The following ST6GALNAC3 variants were observed in gnomAD, a reference collection of about 807,000 sequenced individuals.
ST6GALNAC3 encodes the protein alpha-N-acetylgalactosaminide alpha-2,6-sialyltransferase 3.
A neutral mutation model predicts 32.7 loss-of-function variants in ST6GALNAC3; 25 were observed. That is an observed-to-expected ratio of 0.76 (90% CI 0.56 to 1.07). The LOEUF (loss-of-function observed/expected upper bound fraction) is 1.07. Ranked by LOEUF, ST6GALNAC3 falls within the 50% of genes least tolerant of loss-of-function variation. The probability of loss-of-function intolerance (pLI) is 0.00; values close to 1 mark genes in which losing one functional copy is unlikely to be tolerated. For missense variants in ST6GALNAC3, 355 were observed against 382.4 expected, an observed-to-expected ratio of 0.93 and a Z score of 0.60; for synonymous variants, 129 against 133.1, an observed-to-expected ratio of 0.97 and a Z score of 0.21.
At chr1:76,490,861 T>C (rs1660454687) in intron 3 of ST6GALNAC3, among the ~76,000 whole-genome samples, 1 of 124,382 alleles carries the variant, frequency 8.0e-6, no homozygotes, top group Admixed American at 7.3e-5. Context: ...TTTTTCTTTT[T>C]TTTTGTTTTT....
At chr1:76,388,566 A>G (rs1270462522) in intron 2 of ST6GALNAC3, among the ~76,000 whole-genome samples, 1 of 152,178 alleles carries the variant, frequency 6.6e-6, no homozygotes, top group Non-Finnish European at 1.5e-5. Flanking sequence ...TACTATGGAA[A>G]GGACTAAGCT....
intron 1 of ST6GALNAC3, among the ~76,000 whole-genome samples, chr1:76,155,082 T>A (rs1242358924): frequency 1.3e-5 from 2 of 152,238 alleles, no homozygotes; most frequent in Non-Finnish European, 2.9e-5. Context: ...TCTCTTTATT[T>A]GTGGGAATCG....
At chr1:76,423,114 C>T (rs549627109) in intron 3 of ST6GALNAC3, among the ~76,000 whole-genome samples, 1 of 152,116 alleles carries the variant, frequency 6.6e-6, no homozygotes, top group South Asian at 2.1e-4. Context: ...ATTACCCTGA[C>T]AGTGTATGAG....
chr1:76,231,472 T>C (rs1168181412), intron 1 of ST6GALNAC3, among the ~76,000 whole-genome samples: 2 of 152,208 alleles, frequency 1.3e-5, no homozygotes, highest in African/African-American at 4.8e-5. Context: ...TGAAACTCTA[T>C]ACCCAGTAAA....
chr1:76,628,569 T>C, intron 4 of ST6GALNAC3, 51 bp from the exon 5 acceptor site: 1 of 1,495,468 alleles, frequency 6.7e-7, no homozygotes, highest in East Asian at 2.3e-5. Flanking sequence ...AAATGAGTGC[T>C]TCATTCTTCA....
chr1:76,332,067 C>T (rs1301672757), intron 2 of ST6GALNAC3, among the ~76,000 whole-genome samples: 2 of 152,196 alleles, frequency 1.3e-5, no homozygotes, highest in Non-Finnish European at 1.5e-5. Flanking sequence ...TCACAATTCT[C>T]CTTACCCAGA....
In ST6GALNAC3 at chr1:76,287,940, G is replaced by T. The variant is rs566540694; in HGVS notation, c.19-25865G>T. 2.0e-5 allele frequency among the ~76,000 whole-genome samples: 3 copies of T among 152,276 alleles called. No homozygotes were observed. The East Asian group carries it at 5.8e-4, about 29-fold the overall frequency. ...AAGTTGTTAAGTACCTTTGTCCAAG[G>T]TCCTAGAGTTTGTGAGCAGCAGAAG... On this transcript the variant is annotated intron_variant, in intron 1 of 4. Coordinates refer to ENST00000328299, the MANE Select transcript of ST6GALNAC3 (RefSeq NM_152996.4).
At chr1:76,199,671 C>T (rs1010862880) in intron 1 of ST6GALNAC3, among the ~76,000 whole-genome samples, 27 of 152,108 alleles carry the variant, frequency 1.8e-4, no homozygotes, top group African/African-American at 6.5e-4. Context: ...GAAATTGGGT[C>T]CTGTGGCCAT....
intron 1 of ST6GALNAC3, among the ~76,000 whole-genome samples, chr1:76,182,712 A>G (rs753843795): frequency 1.3e-5 from 2 of 152,180 alleles, no homozygotes; most frequent in Non-Finnish European, 1.5e-5. Context: ...CTCCACATAA[A>G]CAAAGCGATT....
At chr1:76,299,727 C>T (rs1255494430) in intron 1 of ST6GALNAC3, among the ~76,000 whole-genome samples, 5 of 152,018 alleles carry the variant, frequency 3.3e-5, no homozygotes, top group African/African-American at 9.7e-5. Context: ...TGGGGACTAA[C>T]TTCATATATA....
Position 76,285,385 on chromosome 1 carries a change from G to GGTGTGT in ST6GALNAC3, c.19-28399_19-28394dup, listed in dbSNP as rs140357874. 2.0e-3 allele frequency among the ~76,000 whole-genome samples: 297 copies of GGTGTGT among 148,472 alleles called. 1 individual carries two copies. The highest frequency in any genetic ancestry group is 8.2e-3 in the East Asian group (41 of 4,976). Reference sequence around the variant, plus strand: ...AGGCCAGGCCCCTGGTCGGGAGGATGGTGTGTGTGTGTGTGTGTGTGTGTG... The same window carrying GGTGTGT: ...AGGCCAGGCCCCTGGTCGGGAGGATGGTGTGTGTGTGTGTGTGTGTGTGTGTGTGTG... On this transcript the variant is annotated intron_variant, in intron 1 of 4. Coordinates refer to ENST00000328299, the MANE Select transcript of ST6GALNAC3 (RefSeq NM_152996.4).
chr1:76,537,035 G>A (rs1402090840), intron 3 of ST6GALNAC3, among the ~76,000 whole-genome samples: 6 of 152,206 alleles, frequency 3.9e-5, no homozygotes, highest in South Asian at 2.1e-4. Context: ...CAGACTATAC[G>A]TTCTTCTCAG....
At chr1:76,497,191 C>T (rs756976555) in intron 3 of ST6GALNAC3, among the ~76,000 whole-genome samples, 1 of 152,030 alleles carries the variant, frequency 6.6e-6, no homozygotes, top group Non-Finnish European at 1.5e-5. Flanking sequence ...TCATTGATAA[C>T]AAGTGAATTC....
chr1:76,523,942 G>A, intron 3 of ST6GALNAC3, among the ~76,000 whole-genome samples: 1 of 152,006 alleles, frequency 6.6e-6, no homozygotes, highest in Non-Finnish European at 1.5e-5. Flanking sequence ...TCAAGAATCA[G>A]CACAATCTTC....
intron 3 of ST6GALNAC3, among the ~76,000 whole-genome samples, chr1:76,423,848 G>A (rs1400602132): frequency 6.6e-6 from 1 of 151,818 alleles, no homozygotes. Flanking sequence ...AGAGAGAAGG[G>A]GATATAGTTG....
chr1:76,584,145 T>C (rs940650040), intron 3 of ST6GALNAC3, among the ~76,000 whole-genome samples: 1 of 152,234 alleles, frequency 6.6e-6, no homozygotes, highest in Admixed American at 6.5e-5. Flanking sequence ...GGGAGTATTA[T>C]AGAAGCTGGA....
intron 1 of ST6GALNAC3, among the ~76,000 whole-genome samples, chr1:76,267,133 G>A (rs72675957): frequency 0.012 from 1,829 of 152,228 alleles, 17 homozygotes; most frequent in Non-Finnish European, 0.019. Context: ...GCCAATTTGC[G>A]CTCTCTTTCC....
At chr1:76,335,664 C>T (rs756666496) in intron 2 of ST6GALNAC3, among the ~76,000 whole-genome samples, 15 of 152,110 alleles carry the variant, frequency 9.9e-5, no homozygotes, top group Non-Finnish European at 1.0e-4. Context: ...AAAATGATGT[C>T]GTTCAAGGAC....
At chr1:76,351,222 T>C (rs990002938) in intron 2 of ST6GALNAC3, among the ~76,000 whole-genome samples, 7 of 152,204 alleles carry the variant, frequency 4.6e-5, no homozygotes, top group African/African-American at 1.7e-4. Flanking sequence ...TTCTATCTTT[T>C]TGTTCAGCCT....
Sources: allele counts gnomAD v4.1 joint callset (sites outside exome capture counted in the v4.1 genomes callset), GRCh38; gene constraint gnomAD v4.1.1; transcripts MANE v1.5; gene names NCBI Gene and HGNC (gene_info 2026-07-23, HGNC 2026-07-21).